The following LIPH variants were observed in gnomAD, a reference collection of about 807,000 sequenced individuals.
The protein encoded by LIPH is lipase member H.
In LIPH, 32 loss-of-function variants were observed where a neutral mutation model predicts 47.6. The ratio of observed to expected loss-of-function variants is 0.67; its 90% CI spans 0.51 to 0.90. The LOEUF (loss-of-function observed/expected upper bound fraction) is 0.90. Among genes scored for constraint, LIPH ranks in the 40% least tolerant of loss-of-function variants. The pLI is 0.00. For synonymous variants in LIPH, 190 were observed against 195.6 expected, an observed-to-expected ratio of 0.97 and a Z score of 0.24; for missense variants, 497 against 541.4, an observed-to-expected ratio of 0.92 and a Z score of 0.81.
At chr3:185,547,092 G>A in intron 1 of LIPH, 1 of 298,294 alleles carries the variant, frequency 3.4e-6, no homozygotes, top group Non-Finnish European at 6.5e-6. Context: ...AGTGAGCCGA[G>A]ATCACACCAC....
rs369350578 is a variant in LIPH at position 185,535,159 on chromosome 3, C to A, written c.50-27G>T. On this transcript the variant is annotated intron_variant, in intron 1 of 9. Coordinates refer to ENST00000296252, the MANE Select transcript of LIPH (RefSeq NM_139248.3). ...TGAAAATAAAAATTAGATGGCATCA[C>A]GACAGGTCTTTCCTTAGCTGGGCAT... 2.6e-5 allele frequency: 42 copies of A among 1,612,066 alleles called. 1 individual carries two copies. The African/African-American group carries it at 5.2e-4, about 20-fold the overall frequency.
At chr3:185,514,183 GGAA>G (rs1366983757) in intron 8 of LIPH, among the ~76,000 whole-genome samples, 1 of 152,006 alleles carries the variant, frequency 6.6e-6, no homozygotes, top group Non-Finnish European at 1.5e-5. Context: ...AGCAAAGAAA[GGAA>G]GAAGAGAAGG....
chr3:185,530,238 G>C (rs902404190), intron 3 of LIPH, among the ~76,000 whole-genome samples: 2 of 152,032 alleles, frequency 1.3e-5, no homozygotes, highest in Admixed American at 6.6e-5. Flanking sequence ...CAGAACTTTG[G>C]GAGGCTGAGG....
intron 3 of LIPH, among the ~76,000 whole-genome samples, chr3:185,533,054 T>G (rs1246082345): frequency 6.6e-6 from 1 of 152,184 alleles, no homozygotes; most frequent in East Asian, 1.9e-4. Flanking sequence ...AGGCAGGAGA[T>G]TCCAGCAAAG....
intron 9 of LIPH, among the ~76,000 whole-genome samples, 186 bp from the exon 10 acceptor site, chr3:185,509,063 G>A (rs986896399): frequency 3.3e-5 from 5 of 152,030 alleles, no homozygotes; most frequent in Non-Finnish European, 5.9e-5. Flanking sequence ...AGGCCGAGGC[G>A]GGCAGATACT....
chr3:185,526,237 A>G lies in LIPH; in HGVS notation c.628+1247T>C, dbSNP rs1044861809. 4.2e-4 allele frequency among the ~76,000 whole-genome samples: 64 copies of G among 151,698 alleles called. 1 individual carries two copies. The highest frequency in any genetic ancestry group is 5.9e-5 in the Non-Finnish European group (4 of 67,882). Reference sequence around the variant, plus strand: ...AAATTTAAAAATTAAAAAAATAAAGATGGCTGGGAACGGTGGCTCACACCT... The same window carrying G: ...AAATTTAAAAATTAAAAAAATAAAGGTGGCTGGGAACGGTGGCTCACACCT... On this transcript the variant is annotated intron_variant, in intron 4 of 9. Coordinates refer to ENST00000296252, the MANE Select transcript of LIPH (RefSeq NM_139248.3).
Position 185,507,370 on chromosome 3 carries a change from GA to G in LIPH, c.*1419del, listed in dbSNP as rs1719412668. The G allele has an allele frequency of 2.1e-5, 1 of 48,640 alleles. No individual in the cohort carries two copies. Among genetic ancestry groups the G allele is most frequent in the Non-Finnish European group, 7.6e-5 (1 of 13,102 alleles). 3.0% of individuals were successfully genotyped at this position (48,640 alleles called of 1,614,324 possible). A position where few individuals can be genotyped will look rare whatever the true frequency, so the allele number is the denominator to read the frequency against. ...CTAGGCAACTCCAAAAAAAAAAAAA[GA>G]GAGAGAGAGTCAATTTCTTCATAAC... On this transcript the variant is annotated 3_prime_UTR_variant, in exon 10 of 10. Transcript: ENST00000296252.
chr3:185,530,020 G>C (rs1720284725), intron 3 of LIPH, among the ~76,000 whole-genome samples: 1 of 152,180 alleles, frequency 6.6e-6, no homozygotes, highest in South Asian at 2.1e-4. Flanking sequence ...GCGGTGGCAT[G>C]CGCCTGTAGT....
intron 4 of LIPH, among the ~76,000 whole-genome samples, chr3:185,524,638 A>G (rs1028369759): frequency 6.6e-6 from 1 of 151,776 alleles, no homozygotes. Flanking sequence ...TTTAGTAGAG[A>G]CGGGGTTTCA....
intron 3 of LIPH, among the ~76,000 whole-genome samples, chr3:185,529,328 GT>G (rs1577677302): frequency 6.7e-6 from 1 of 149,956 alleles, no homozygotes; most frequent in African/African-American, 2.4e-5. Flanking sequence ...GTCTATGAAT[GT>G]CATTTTATAT....
intron 1 of LIPH, among the ~76,000 whole-genome samples, chr3:185,543,103 G>A (rs1720764475): frequency 6.6e-6 from 1 of 152,134 alleles, no homozygotes; most frequent in South Asian, 2.1e-4. Context: ...CCGCTACTCG[G>A]GAGGCTGAGG....
chr3:185,537,777 C>G (rs998071731), intron 1 of LIPH, among the ~76,000 whole-genome samples: 1 of 152,122 alleles, frequency 6.6e-6, no homozygotes, highest in Non-Finnish European at 1.5e-5. Flanking sequence ...ACAGAGATTA[C>G]TTTCCCAAGA....
chr3:185,519,558 A>G (rs1001373159), intron 5 of LIPH, among the ~76,000 whole-genome samples: 128 of 152,062 alleles, frequency 8.4e-4, no homozygotes, highest in African/African-American at 3.0e-3. Context: ...ACCCAGGGCC[A>G]GGTGCAGTGG....
At chr3:185,548,163 T>G (rs1720937520) in intron 1 of LIPH, among the ~76,000 whole-genome samples, 2 of 152,144 alleles carry the variant, frequency 1.3e-5, no homozygotes, top group Admixed American at 1.3e-4. Flanking sequence ...TCCCAGCATG[T>G]TGGGAGGCCG....
At chr3:185,538,776 TAC>T (rs1205677078) in intron 1 of LIPH, among the ~76,000 whole-genome samples, 2 of 8,858 alleles carry the variant, frequency 2.3e-4, no homozygotes, top group African/African-American at 4.1e-4. Context: ...TGTACATATA[TAC>T]ACACATATAT....
chr3:185,546,152 TGA>T, intron 1 of LIPH, among the ~76,000 whole-genome samples: 1 of 148,800 alleles, frequency 6.7e-6, no homozygotes, highest in South Asian at 2.1e-4. Flanking sequence ...GGTGACAGAG[TGA>T]GACTCTGTCT....
intron 1 of LIPH, among the ~76,000 whole-genome samples, chr3:185,538,938 T>C (rs56918851): frequency 5.6e-5 from 8 of 141,900 alleles, no homozygotes; most frequent in African/African-American, 1.8e-4. Context: ...CATATATACA[T>C]ATATATACAT....
chr3:185,522,771 G>GT (rs200964082), intron 5 of LIPH, among the ~76,000 whole-genome samples: 1,571 of 152,176 alleles, frequency 0.01, 32 homozygotes, highest in African/African-American at 0.036. Flanking sequence ...ATGTTTTAGA[G>GT]TTTTTTCTCA....
chr3:185,543,683 C>T (rs895366501), intron 1 of LIPH, among the ~76,000 whole-genome samples: 4 of 152,100 alleles, frequency 2.6e-5, no homozygotes, highest in Non-Finnish European at 5.9e-5. Flanking sequence ...GAGTTTGAGA[C>T]AGCCTGGGCA....
Sources: allele counts gnomAD v4.1 joint callset (sites outside exome capture counted in the v4.1 genomes callset), GRCh38; gene constraint gnomAD v4.1.1; transcripts MANE v1.5; gene names NCBI Gene and HGNC (gene_info 2026-07-23, HGNC 2026-07-21).